The following DSCAM variants were observed in gnomAD, a reference collection of about 807,000 sequenced individuals.
The protein encoded by DSCAM is DS cell adhesion molecule.
A neutral mutation model predicts 217.7 loss-of-function variants in DSCAM; 47 were observed. That is an observed-to-expected ratio of 0.22 (90% CI 0.17 to 0.28). The LOEUF (loss-of-function observed/expected upper bound fraction) is 0.28. Among genes scored for constraint, DSCAM ranks in the 10% least tolerant of loss-of-function variants. The pLI is 1.00. For synonymous variants in DSCAM, 1,056 were observed against 1,015.3 expected (o/e 1.04, Z -0.76); for missense variants, 2,080 against 2,618.3 (o/e 0.79, Z 4.49).
intron 19 of DSCAM, among the ~76,000 whole-genome samples, chr21:40,127,144 T>C (rs1365711032): frequency 6.6e-6 from 1 of 152,218 alleles, no homozygotes; most frequent in Non-Finnish European, 1.5e-5. Flanking sequence ...TTATAAGAGA[T>C]AATTCATGTA....
intron 1 of DSCAM, among the ~76,000 whole-genome samples, chr21:40,803,087 G>A (rs552550334): frequency 1.3e-5 from 2 of 152,330 alleles, no homozygotes; most frequent in Admixed American, 6.5e-5. Context: ...GTAAGTCAGA[G>A]AAGTCAGTTT....
At position 40,266,648 on chromosome 21, in the gene DSCAM, T is replaced by TATATATATATAA. The variant is rs1415766770; in HGVS notation, c.2356+9448_2356+9449insTTATATATATAT. Among the ~76,000 whole-genome samples the TATATATATATAA allele has an allele frequency of 2.8e-5, 3 of 106,668 alleles. 1 individual carries two copies. Among genetic ancestry groups the TATATATATATAA allele is most frequent in the African/African-American group, 1.5e-4 (3 of 19,462 alleles). The allele number at this position is 106,668 out of a possible 152,430, so 70.0% of individuals were successfully genotyped here. A position where few individuals can be genotyped will look rare whatever the true frequency, so the allele number is the denominator to read the frequency against. ...GACAAAGATGTTTTATATATATATA[T>TATATATATATAA]ATATATATATATATATATATATAAT... On this transcript the variant is annotated intron_variant, in intron 11 of 32. Transcript: ENST00000400454.
intron 25 of DSCAM, among the ~76,000 whole-genome samples, chr21:40,079,212 T>G (rs1387865686): frequency 6.6e-6 from 1 of 152,168 alleles, no homozygotes; most frequent in Admixed American, 6.5e-5. Context: ...GGAGGTTATT[T>G]TGGGGTATCT....
At chr21:40,734,233 G>T (rs1301047517) in intron 1 of DSCAM, among the ~76,000 whole-genome samples, 3 of 152,078 alleles carry the variant, frequency 2.0e-5, no homozygotes, top group Non-Finnish European at 4.4e-5. Flanking sequence ...ATTTTCACCT[G>T]AAGCTTTCCA....
At chr21:40,061,563 C>G in intron 28 of DSCAM, among the ~76,000 whole-genome samples, 1 of 124,026 alleles carries the variant, frequency 8.1e-6, no homozygotes, top group African/African-American at 3.1e-5. Flanking sequence ...GAGCAAAACT[C>G]TGTCCCAAAA....
At chr21:40,693,043 A>G (rs1314307726) in intron 2 of DSCAM, 87 bp from the exon 3 acceptor site, 3 of 1,400,650 alleles carry the variant, frequency 2.1e-6, no homozygotes, top group Non-Finnish European at 2.9e-6. Context: ...ACACTGCAGC[A>G]CACACACATC....
At chr21:40,444,245 C>T (rs917661018) in intron 3 of DSCAM, among the ~76,000 whole-genome samples, 1 of 151,978 alleles carries the variant, frequency 6.6e-6, no homozygotes, top group Non-Finnish European at 1.5e-5. Context: ...ATGAGGTGTA[C>T]ACTTGTCAGG....
chr21:40,331,453 A>G (rs1006497126), intron 8 of DSCAM, among the ~76,000 whole-genome samples: 1 of 152,346 alleles, frequency 6.6e-6, no homozygotes. Flanking sequence ...TTAACTCAGC[A>G]TTCATTTCCC....
intron 1 of DSCAM, among the ~76,000 whole-genome samples, chr21:40,778,330 A>AG (rs2123415875): frequency 6.6e-6 from 1 of 152,292 alleles, no homozygotes; most frequent in East Asian, 1.9e-4. Context: ...AGAAAACAAC[A>AG]GGAGCATGTA....
In DSCAM at chr21:40,011,930, C is replaced by A. The variant is rs2146399459; in HGVS notation, c.*1104G>T. 1 of 151,830 alleles carries A rather than the reference C, an allele frequency of 6.6e-6. No individual in the cohort carries two copies. The highest frequency in any genetic ancestry group is 1.5e-5 in the Non-Finnish European group (1 of 67,914). 9.4% of individuals were successfully genotyped at this position (151,830 alleles called of 1,614,324 possible). A position where few individuals can be genotyped will look rare whatever the true frequency, so the allele number is the denominator to read the frequency against. On this transcript the variant is annotated 3_prime_UTR_variant, in exon 33 of 33. Transcript: ENST00000400454. ...CAGAGCACGGGTCTGGCAAATGTTT[C>A]CTGTAATGGGCCAGGTAATAAATAT... is the stretch of plus-strand genomic sequence containing the variant.
rs181307621 is a variant in DSCAM, at chr21:40,190,079, C to T, written c.2357-841G>A. 3.2e-3 allele frequency among the ~76,000 whole-genome samples: 490 copies of T among 152,300 alleles called. 2 individuals are homozygous for T. The highest frequency in any genetic ancestry group is 0.011 in the African/African-American group (447 of 41,560). On this transcript the variant is annotated intron_variant, in intron 11 of 32. Coordinates refer to ENST00000400454, the MANE Select transcript of DSCAM (RefSeq NM_001389.5). Reference sequence around the variant, plus strand: ...AACCTTTATCAGTCACTGGAGACCTCAAACCTGTCCTTCTTCCATAACTTA... The same window carrying T: ...AACCTTTATCAGTCACTGGAGACCTTAAACCTGTCCTTCTTCCATAACTTA...
chr21:40,396,378 G>A (rs757193833), intron 3 of DSCAM, among the ~76,000 whole-genome samples: 1 of 152,146 alleles, frequency 6.6e-6, no homozygotes, highest in Non-Finnish European at 1.5e-5. Context: ...AGTTAGATTG[G>A]ATTTAGGGCT....
chr21:40,014,087 C>A (rs764078240), intron 32 of DSCAM, among the ~76,000 whole-genome samples: 27 of 152,260 alleles, frequency 1.8e-4, no homozygotes, highest in Non-Finnish European at 3.5e-4. Flanking sequence ...AACCTCAGGT[C>A]TCCTTCAAGA....
At chr21:40,148,454 A>G (rs772969681) in intron 16 of DSCAM, among the ~76,000 whole-genome samples, 2 of 152,164 alleles carry the variant, frequency 1.3e-5, no homozygotes, top group Non-Finnish European at 2.9e-5. Flanking sequence ...ATCTCTGTAA[A>G]CATATGAAAT....
intron 3 of DSCAM, among the ~76,000 whole-genome samples, chr21:40,627,293 G>A (rs1225332536): frequency 6.6e-6 from 1 of 152,166 alleles, no homozygotes; most frequent in Non-Finnish European, 1.5e-5. Flanking sequence ...ATAGCTGAGT[G>A]GACCAAATCT....
At chr21:40,254,114 T>C (rs1385269373) in intron 11 of DSCAM, among the ~76,000 whole-genome samples, 2 of 152,194 alleles carry the variant, frequency 1.3e-5, no homozygotes, top group African/African-American at 4.8e-5. Flanking sequence ...CCAGTTGGTG[T>C]CAGACAATAT....
chr21:40,556,900 G>A (rs1327418187), intron 3 of DSCAM, among the ~76,000 whole-genome samples: 2 of 152,094 alleles, frequency 1.3e-5, no homozygotes, highest in Non-Finnish European at 2.9e-5. Flanking sequence ...TCATCACAAA[G>A]TTCTCCATCC....
At chr21:40,160,935 T>G (rs981230067) in intron 16 of DSCAM, among the ~76,000 whole-genome samples, 1 of 152,242 alleles carries the variant, frequency 6.6e-6, no homozygotes, top group African/African-American at 2.4e-5. Flanking sequence ...AAGTTCAATT[T>G]GTGTCCTGTC....
intron 6 of DSCAM, among the ~76,000 whole-genome samples, chr21:40,341,098 C>T (rs1396490274): frequency 6.6e-6 from 1 of 152,166 alleles, no homozygotes; most frequent in Non-Finnish European, 1.5e-5. Flanking sequence ...TAGCATATTG[C>T]AGTGTCCTTG....
Sources: allele counts gnomAD v4.1 joint callset (sites outside exome capture counted in the v4.1 genomes callset), GRCh38; gene constraint gnomAD v4.1.1; transcripts MANE v1.5; gene names NCBI Gene and HGNC (gene_info 2026-07-23, HGNC 2026-07-21).